The following PRH1 variants were observed in gnomAD, a reference collection of about 807,000 sequenced individuals.
The protein encoded by PRH1 is proline rich protein HaeIII subfamily 1, also known as salivary acidic proline-rich phosphoprotein 1/2.
In PRH1, 7 loss-of-function variants were observed where a neutral mutation model predicts 7.9. The ratio of observed to expected loss-of-function variants is 0.89; its 90% CI spans 0.50 to 1.67. The LOEUF is 1.67. PRH1 is among the 40% of genes most tolerant of loss of function. The pLI is 0.00. For synonymous variants in PRH1, 45 were observed against 80.8 expected, an observed-to-expected ratio of 0.56 and a Z score of 2.38; for missense variants, 109 against 223.6, an observed-to-expected ratio of 0.49 and a Z score of 3.27.
At chr12:11,055,738 G>A (rs796703749) in intron 1 of PRH1, among the ~76,000 whole-genome samples, 2 of 118,704 alleles carry the variant, frequency 1.7e-5, no homozygotes, top group Admixed American at 1.7e-4. Flanking sequence ...AATTTGTGCT[G>A]AGCAATGGCA....
chr12:11,113,414 T>G (rs1945645460), intron 1 of PRH1, among the ~76,000 whole-genome samples: 1 of 151,924 alleles, frequency 6.6e-6, no homozygotes, highest in African/African-American at 2.4e-5. Context: ...ATGCCACACA[T>G]CTACAACCAT....
At chr12:10,952,124 C>A (rs115714890) in intron 2 of PRH1, among the ~76,000 whole-genome samples, 2 of 152,118 alleles carry the variant, frequency 1.3e-5, no homozygotes, top group Non-Finnish European at 2.9e-5. Flanking sequence ...GGTTCAGGCA[C>A]GAAACAAGGA....
intron 1 of PRH1, among the ~76,000 whole-genome samples, chr12:11,101,101 G>A (rs1945230726): frequency 6.6e-6 from 1 of 152,182 alleles, no homozygotes; most frequent in Non-Finnish European, 1.5e-5. Context: ...TATCAATCAT[G>A]GATATTCAAA....
intron 2 of PRH1, among the ~76,000 whole-genome samples, chr12:10,909,898 C>G (rs1334273856): frequency 6.6e-6 from 1 of 152,166 alleles, no homozygotes; most frequent in Non-Finnish European, 1.5e-5. Context: ...GTTTACAAAG[C>G]ATCCATCTTT....
At chr12:10,984,476 A>G (rs1191935916) in intron 1 of PRH1, among the ~76,000 whole-genome samples, 1 of 151,670 alleles carries the variant, frequency 6.6e-6, no homozygotes, top group African/African-American at 2.4e-5. Flanking sequence ...CCATATAGTT[A>G]GTTTACTGCT....
At chr12:10,989,850 G>T (rs1251486489) in intron 1 of PRH1, among the ~76,000 whole-genome samples, 1 of 152,148 alleles carries the variant, frequency 6.6e-6, no homozygotes, top group Non-Finnish European at 1.5e-5. Context: ...AAATAAGATT[G>T]TCATTTAGAC....
rs540383244 is a variant in PRH1 at position 11,055,947 on chromosome 12, A to T, written n.124-8759T>A. Among the ~76,000 whole-genome samples, 7 of 152,372 alleles carry T rather than the reference A, an allele frequency of 4.6e-5. No individual in the cohort carries two copies. The South Asian group carries it at 8.3e-4, about 18-fold the overall frequency. On this transcript the variant is annotated intron_variant and non_coding_transcript_variant, in intron 1 of 4. Transcript: ENST00000541977. The stretch of plus-strand genomic sequence containing the variant: ...CCCAGGAAGGCCAATATTCCTAAAA[A>T]TCTCGTTGCTGCCAACTAATAATTT...
At position 11,141,185 on chromosome 12, in the gene PRH1, C is replaced by T. The variant is rs140669827; in HGVS notation, n.40-20005G>A. Among the ~76,000 whole-genome samples, 850 of 152,198 alleles carry T rather than the reference C, an allele frequency of 5.6e-3. 6 individuals are homozygous for T. Among genetic ancestry groups the T allele is most frequent in the African/African-American group, 0.02 (816 of 41,534 alleles). On this transcript the variant is annotated intron_variant and non_coding_transcript_variant, in intron 1 of 1. Transcript: ENST00000541175. ...TATTTTCCCATTTGGGCTTTTTGAC[C>T]CATTTTCAATATTTATCAAACTTAC... is the stretch of plus-strand genomic sequence containing the variant.
intron 2 of PRH1, among the ~76,000 whole-genome samples, chr12:10,954,842 T>C (rs1041514196): frequency 6.6e-5 from 10 of 152,130 alleles, no homozygotes; most frequent in African/African-American, 1.4e-4. Flanking sequence ...CAGAAGGGCA[T>C]TGCATAATTG....
At chr12:11,171,318 C>T in intron 1 of PRH1, 1 of 1,213,614 alleles carries the variant, frequency 8.2e-7, no homozygotes. Context: ...CTGCGGCAAC[C>T]CTCGCTACAG....
intron 1 of PRH1, among the ~76,000 whole-genome samples, chr12:11,163,124 C>G (rs1947465795): frequency 6.6e-6 from 1 of 152,020 alleles, no homozygotes; most frequent in Non-Finnish European, 1.5e-5. Context: ...AGCACATATA[C>G]TAAAGTTGGA....
At chr12:11,033,299 G>A (rs150059096) in intron 1 of PRH1, among the ~76,000 whole-genome samples, 4,861 of 152,064 alleles carry the variant, frequency 0.032, 250 homozygotes, top group African/African-American at 0.11. Context: ...CCCGGGAGGC[G>A]GAGGTTGCAG....
In PRH1 at chr12:10,924,444, A is replaced by G. The variant is rs143074456; in HGVS notation, c.-58-40169T>C. 4.4e-4 allele frequency among the ~76,000 whole-genome samples: 67 copies of G among 152,322 alleles called. No homozygotes were observed. In the East Asian group the frequency reaches 7.7e-3, roughly 18 times the overall value. On this transcript the variant is annotated intron_variant, in intron 2 of 3. Transcript: ENST00000539853. ...CATTGTGGTATTTCATGTAGTTGCCATCAGATAAGGGATGGGACCACAGTC... is the reference window on the plus strand; with the variant it reads ...CATTGTGGTATTTCATGTAGTTGCCGTCAGATAAGGGATGGGACCACAGTC...
intron 1 of PRH1, among the ~76,000 whole-genome samples, chr12:11,141,427 G>A (rs7312327): frequency 0.46 from 69,197 of 151,998 alleles, 16,545 homozygotes; most frequent in Non-Finnish European, 0.53. Context: ...TTTAAGATGA[G>A]TAGATGTTAA....
intron 1 of PRH1, among the ~76,000 whole-genome samples, chr12:11,168,283 A>AAG (rs1947671081): frequency 3.1e-5 from 1 of 32,420 alleles, no homozygotes; most frequent in African/African-American, 9.3e-5. Flanking sequence ...AAAGAAAGAA[A>AAG]GAAAGAAAGA....
At chr12:11,143,709 T>A (rs1320298299) in intron 1 of PRH1, among the ~76,000 whole-genome samples, 1 of 152,096 alleles carries the variant, frequency 6.6e-6, no homozygotes, top group Non-Finnish European at 1.5e-5. Flanking sequence ...CAAAATAGAT[T>A]TCAAGACAAA....
chr12:10,979,027 AC>A (rs1339636217), intron 1 of PRH1, among the ~76,000 whole-genome samples: 2 of 152,206 alleles, frequency 1.3e-5, no homozygotes, highest in Admixed American at 1.3e-4. Context: ...ACATGTTCTC[AC>A]TTACAAGTGG....
intron 1 of PRH1, among the ~76,000 whole-genome samples, chr12:11,018,246 T>G (rs1181800540): frequency 6.6e-6 from 1 of 152,196 alleles, no homozygotes; most frequent in Non-Finnish European, 1.5e-5. Flanking sequence ...GATTATCCGC[T>G]GTCTGAAAAA....
At chr12:10,973,471 T>A (rs891756755) in intron 2 of PRH1, 1 of 452,728 alleles carries the variant, frequency 2.2e-6, no homozygotes, top group Non-Finnish European at 3.9e-6. Flanking sequence ...TTACAACTAC[T>A]ATCAGCCTTA....
Sources: gnomAD v4.1 joint callset for allele counts (sites outside exome capture counted in the v4.1 genomes callset) on GRCh38, gnomAD v4.1.1 for gene constraint, MANE v1.5 for transcripts, NCBI Gene and HGNC (gene_info 2026-07-23, HGNC 2026-07-21) for gene names.